The following ANKRD17 variants were observed in gnomAD, a reference collection of about 807,000 sequenced individuals.
ANKRD17 encodes the protein ankyrin repeat domain-containing protein 17.
Under a neutral mutation model 229.7 loss-of-function variants are expected in ANKRD17, and 19 were observed. The observed-to-expected ratio is 0.08, with a 90% CI of 0.06 to 0.12. The LOEUF (loss-of-function observed/expected upper bound fraction) is 0.12, where lower values mean the gene tolerates loss of function less well. ANKRD17 is among the 10% of genes least tolerant of loss of function. The probability of loss-of-function intolerance (pLI) is 1.00; values close to 1 mark genes in which losing one functional copy is unlikely to be tolerated. For missense variants in ANKRD17, 2,176 were observed against 3,176.8 expected (o/e 0.68, Z 7.57); for synonymous variants, 1,112 against 1,146.1 (o/e 0.97, Z 0.60).
chr4:73,250,795 C>G (rs1744950959), intron 1 of ANKRD17, among the ~76,000 whole-genome samples: 1 of 151,698 alleles, frequency 6.6e-6, no homozygotes, highest in Non-Finnish European at 1.5e-5. Flanking sequence ...CAACCTCTGC[C>G]TCCCAGGTTA....
At chr4:73,101,271 T>C (rs1169675071) in intron 25 of ANKRD17, 1 of 935,344 alleles carries the variant, frequency 1.1e-6, no homozygotes, top group East Asian at 1.2e-4. Context: ...AAGAAATCGA[T>C]GATCTGGATT....
intron 16 of ANKRD17, among the ~76,000 whole-genome samples, chr4:73,132,113 T>G (rs1033389039): frequency 2.0e-5 from 3 of 151,792 alleles, no homozygotes; most frequent in South Asian, 4.2e-4. Context: ...CTAGTTGTTT[T>G]TTTTTTTTTT....
At chr4:73,193,934 A>G (rs1737487530) in intron 1 of ANKRD17, among the ~76,000 whole-genome samples, 1 of 152,170 alleles carries the variant, frequency 6.6e-6, no homozygotes. Flanking sequence ...CTTGTCTCAA[A>G]AACAACAACA....
intron 1 of ANKRD17, among the ~76,000 whole-genome samples, chr4:73,236,600 A>T (rs1383092200): frequency 6.6e-6 from 1 of 152,300 alleles, no homozygotes; most frequent in East Asian, 1.9e-4. Context: ...TACATTTTTC[A>T]TTATAATCTA....
chr4:73,093,978 A>T, intron 28 of ANKRD17, 101 bp downstream of exon 28: 1 of 1,115,760 alleles, frequency 9.0e-7, no homozygotes, highest in Non-Finnish European at 1.3e-6. Flanking sequence ...TAAAAAGTAT[A>T]CTATGTAACA....
intron 16 of ANKRD17, among the ~76,000 whole-genome samples, chr4:73,132,127 A>G (rs1286500020): frequency 1.3e-5 from 2 of 148,162 alleles, no homozygotes; most frequent in Admixed American, 6.7e-5. Flanking sequence ...TTTTTTTGAG[A>G]CAGAGTTTCA....
intron 10 of ANKRD17, among the ~76,000 whole-genome samples, chr4:73,145,920 C>T (rs1323126726): frequency 1.3e-5 from 2 of 151,940 alleles, no homozygotes; most frequent in Non-Finnish European, 2.9e-5. Context: ...TTGCTGCCTG[C>T]ACATGAATTT....
chr4:73,138,938 G>C (rs749513289), intron 15 of ANKRD17, among the ~76,000 whole-genome samples: 1 of 151,968 alleles, frequency 6.6e-6, no homozygotes, highest in Non-Finnish European at 1.5e-5. Context: ...ACCTTCTCAT[G>C]ATACAGTTAG....
intron 24 of ANKRD17, among the ~76,000 whole-genome samples, chr4:73,109,296 T>C (rs1725013623): frequency 1.6e-5 from 2 of 128,098 alleles, no homozygotes; most frequent in African/African-American, 2.7e-5. Flanking sequence ...TGAGGCGCTG[T>C]CTCAAAAAAA....
chr4:73,117,522 G>A (rs1726119892), intron 22 of ANKRD17, among the ~76,000 whole-genome samples: 2 of 152,194 alleles, frequency 1.3e-5, no homozygotes, highest in African/African-American at 2.4e-5. Flanking sequence ...CCAGTGAGAA[G>A]GAATAAGTTG....
chr4:73,247,895 G>C (rs1256772875), intron 1 of ANKRD17, among the ~76,000 whole-genome samples: 1 of 150,466 alleles, frequency 6.6e-6, no homozygotes, highest in Non-Finnish European at 1.5e-5. Flanking sequence ...TAATTCTGAA[G>C]ACAGAATAAT....
At position 73,121,769 on chromosome 4, in the gene ANKRD17, A is replaced by T. The variant is rs1726761100; in HGVS notation, c.3493-10T>A. The stretch of plus-strand genomic sequence containing the variant: ...ACAATAGCTCCACCACCTGAAAATA[A>T]AATAGAAAAAAATATGTTTTCTTAT... On this transcript the variant is annotated splice_polypyrimidine_tract_variant and intron_variant, in intron 18 of 33. Transcript: ENST00000358602. 7 of 1,571,090 alleles carry T rather than the reference A, an allele frequency of 4.5e-6. 1 individual carries two copies. Among genetic ancestry groups the T allele is most frequent in the Non-Finnish European group, 6.0e-6 (7 of 1,166,276 alleles).
chr4:73,085,130 A>G (rs2110119983), intron 30 of ANKRD17, 119 bp downstream of exon 30: 2 of 1,119,122 alleles, frequency 1.8e-6, no homozygotes, highest in East Asian at 4.7e-5. Context: ...TTGAAATTCC[A>G]GACTTCTAAG....
intron 29 of ANKRD17, 90 bp from the exon 30 acceptor site, chr4:73,085,536 C>A: frequency 8.9e-7 from 1 of 1,122,510 alleles, no homozygotes; most frequent in Non-Finnish European, 1.3e-6. Flanking sequence ...TAAATATATT[C>A]AAAACTATTT....
chr4:73,244,127 T>C (rs932464357), intron 1 of ANKRD17, among the ~76,000 whole-genome samples: 2 of 152,150 alleles, frequency 1.3e-5, no homozygotes, highest in Non-Finnish European at 2.9e-5. Flanking sequence ...AATGTCCTCT[T>C]TTTATAAGTA....
intron 1 of ANKRD17, among the ~76,000 whole-genome samples, chr4:73,229,825 C>A (rs1238583104): frequency 6.6e-6 from 1 of 151,846 alleles, no homozygotes; most frequent in East Asian, 1.9e-4. Context: ...TTTTAAAGAC[C>A]CAGAATTGTT....
intron 1 of ANKRD17, among the ~76,000 whole-genome samples, chr4:73,179,518 A>T (rs59592821): frequency 0.027 from 1,092 of 40,772 alleles, 56 homozygotes; most frequent in African/African-American, 0.067. Flanking sequence ...ATATATATAT[A>T]TTTTTTTTTT....
In ANKRD17 at chr4:73,091,302, T is replaced by G. The variant is rs201646082; in HGVS notation, c.6326A>C (p.Gln2109Pro). The change falls in exon 29 of 34, where the codon CAA (glutamine) becomes CCA (proline). Residue 2109 changes from glutamine (Q) to proline (P), a missense_variant. By Grantham distance (76) the Gln-to-Pro change is moderately conservative. Around this residue, in one of 18 missense-constraint regions of ANKRD17, gnomAD observed 424 missense variants for 454.0 expected, o/e 0.93. Transcript: ENST00000358602. ...SGSSSAHSNQ[Q>P]QPPGSVSQEP... ...CTGAGAAACAGATCCCGGAGGTTGT[T>G]GCTGATTAGAATGAGCTGATGAACT... The G allele has an allele frequency of 1.1e-5, 18 of 1,614,190 alleles. No individual in the cohort carries two copies. Among genetic ancestry groups the G allele is most frequent in the Non-Finnish European group, 1.7e-6 (2 of 1,180,038 alleles).
intron 20 of ANKRD17, among the ~76,000 whole-genome samples, 196 bp downstream of exon 20, chr4:73,120,685 G>A (rs1726612443): frequency 6.6e-6 from 1 of 151,654 alleles, no homozygotes; most frequent in South Asian, 2.1e-4. Context: ...TGTCATTGTT[G>A]CCTATAAAAA....
Sources: gnomAD v4.1 joint callset for allele counts (sites outside exome capture counted in the v4.1 genomes callset) on GRCh38, gnomAD v4.1.1 for gene constraint, gnomAD v4.1.1 regional missense constraint, MANE v1.5 for transcripts, NCBI Gene and HGNC (gene_info 2026-07-23, HGNC 2026-07-21) for gene names.